The following NRXN1 variants were observed in gnomAD, a reference collection of about 807,000 sequenced individuals.
NRXN1 encodes neurexin 1, also known as neurexin-1.
Under a neutral mutation model 150.9 loss-of-function variants are expected in NRXN1, and 39 were observed. That is an observed-to-expected ratio of 0.26 (90% CI 0.20 to 0.34). The LOEUF (loss-of-function observed/expected upper bound fraction) is 0.34, where lower values mean the gene tolerates loss of function less well. Ranked by LOEUF, NRXN1 falls within the 10% of genes least tolerant of loss-of-function variation. The probability of loss-of-function intolerance (pLI) is 1.00; values close to 1 mark genes in which losing one functional copy is unlikely to be tolerated. For missense variants in NRXN1, 1,815 were observed against 1,949.9 expected, an observed-to-expected ratio of 0.93 and a Z score of 1.30; for synonymous variants, 924 against 757.0, an observed-to-expected ratio of 1.22 and a Z score of -3.62.
intron 15 of NRXN1, among the ~76,000 whole-genome samples, chr2:50,473,157 G>A (rs1186881480): frequency 1.3e-5 from 2 of 151,726 alleles, no homozygotes; most frequent in African/African-American, 4.8e-5. Context: ...GTACATAAGT[G>A]GATATTGCAT....
At chr2:50,997,700 G>A (rs971492123) in intron 2 of NRXN1, among the ~76,000 whole-genome samples, 1 of 140,206 alleles carries the variant, frequency 7.1e-6, no homozygotes. Context: ...ATCTGGAGAC[G>A]GTTTTTGCTA....
intron 17 of NRXN1, among the ~76,000 whole-genome samples, chr2:50,253,933 TG>T (rs1312667034): frequency 6.6e-6 from 1 of 152,024 alleles, no homozygotes; most frequent in Non-Finnish European, 1.5e-5. Context: ...CCCCATAAAA[TG>T]AGTTAGGGAG....
rs538483514 is a variant in NRXN1 at position 50,301,425 on chromosome 2, T to A, written c.3365-64455A>T. Among the ~76,000 whole-genome samples the A allele has an allele frequency of 1.7e-4, 26 of 152,348 alleles. No individual in the cohort carries two copies. In the South Asian group the frequency reaches 5.2e-3, roughly 30 times the overall value. ...AGAGTCCATATACTTGGTCATACCA[T>A]TTAGCACAACATCATACATTTAACA... On this transcript the variant is annotated intron_variant, in intron 17 of 22. Transcript: ENST00000401669.
intron 17 of NRXN1, among the ~76,000 whole-genome samples, chr2:50,393,246 C>A (rs140410654): frequency 6.6e-6 from 1 of 151,984 alleles, no homozygotes; most frequent in South Asian, 2.1e-4. Context: ...ACATCCAAAG[C>A]GCTAAACATT....
chr2:50,426,667 G>A (rs1383074373), intron 17 of NRXN1, among the ~76,000 whole-genome samples: 3 of 152,082 alleles, frequency 2.0e-5, no homozygotes, highest in Non-Finnish European at 4.4e-5. Flanking sequence ...CATTTTCCCT[G>A]AGGGATGCAG....
intron 5 of NRXN1, among the ~76,000 whole-genome samples, chr2:50,630,218 GA>G (rs895281665): frequency 6.6e-6 from 1 of 151,056 alleles, no homozygotes; most frequent in Non-Finnish European, 1.5e-5. Context: ...ACTTCTTATA[GA>G]AAAAAAAGTT....
chr2:50,948,880 C>T (rs1055690824), intron 2 of NRXN1, among the ~76,000 whole-genome samples: 1 of 151,986 alleles, frequency 6.6e-6, no homozygotes, highest in East Asian at 1.9e-4. Context: ...TGGAGACTTT[C>T]CAGAATACTG....
At chr2:50,505,774 G>A (rs1253468365) in intron 13 of NRXN1, among the ~76,000 whole-genome samples, 1 of 152,110 alleles carries the variant, frequency 6.6e-6, no homozygotes, top group Non-Finnish European at 1.5e-5. Context: ...ACTGTACAAG[G>A]ACCATTTTGT....
intron 5 of NRXN1, among the ~76,000 whole-genome samples, chr2:50,816,015 C>A (rs1419465009): frequency 6.6e-6 from 1 of 152,134 alleles, no homozygotes; most frequent in East Asian, 1.9e-4. Context: ...AACTCGTAAA[C>A]AAACATCCTA....
At chr2:50,336,557 T>G (rs945820676) in intron 17 of NRXN1, among the ~76,000 whole-genome samples, 2 of 152,228 alleles carry the variant, frequency 1.3e-5, no homozygotes, top group Admixed American at 6.5e-5. Context: ...TCCTTTCATC[T>G]CAGGAGAGTA....
At chr2:49,933,758 T>TTTC (rs1367634633) in intron 22 of NRXN1, among the ~76,000 whole-genome samples, 2 of 152,222 alleles carry the variant, frequency 1.3e-5, no homozygotes, top group African/African-American at 4.8e-5. Flanking sequence ...ATCTGATTGT[T>TTTC]TTCTCTACAT....
chr2:50,938,648 T>C (rs1307608453), intron 2 of NRXN1, among the ~76,000 whole-genome samples: 1 of 152,200 alleles, frequency 6.6e-6, no homozygotes, highest in Non-Finnish European at 1.5e-5. Context: ...ATAAAGAGTT[T>C]AAATTGACTC....
intron 5 of NRXN1, among the ~76,000 whole-genome samples, chr2:50,704,953 A>T (rs1325374538): frequency 6.6e-6 from 1 of 152,048 alleles, no homozygotes; most frequent in Admixed American, 6.6e-5. Context: ...TGATAAATAA[A>T]CTGATCTTTC....
At chr2:51,012,206 T>G (rs758908491) in intron 2 of NRXN1, among the ~76,000 whole-genome samples, 1 of 152,034 alleles carries the variant, frequency 6.6e-6, no homozygotes, top group Non-Finnish European at 1.5e-5. Context: ...AAACTCAGTA[T>G]TTATTAATCT....
At chr2:50,931,022 T>C (rs1687659428) in intron 2 of NRXN1, among the ~76,000 whole-genome samples, 1 of 152,136 alleles carries the variant, frequency 6.6e-6, no homozygotes, top group Non-Finnish European at 1.5e-5. Flanking sequence ...CCAACCCTTC[T>C]AGTGGTTATG....
At chr2:50,422,081 T>C (rs1360564002) in intron 17 of NRXN1, among the ~76,000 whole-genome samples, 1 of 152,176 alleles carries the variant, frequency 6.6e-6, no homozygotes, top group Non-Finnish European at 1.5e-5. Flanking sequence ...CTAGGATGTT[T>C]GACTTTAAAG....
intron 8 of NRXN1, among the ~76,000 whole-genome samples, chr2:50,576,493 C>T (rs1023039855): frequency 3.3e-5 from 5 of 151,548 alleles, no homozygotes; most frequent in East Asian, 1.9e-4. Flanking sequence ...CTCTTTTTTC[C>T]CCCTCATTTC....
intron 18 of NRXN1, among the ~76,000 whole-genome samples, chr2:50,201,497 G>C (rs989629552): frequency 6.6e-6 from 1 of 152,128 alleles, no homozygotes; most frequent in African/African-American, 2.4e-5. Context: ...CGTAACATGA[G>C]GGAAAGTAAT....
At chr2:50,623,741 C>A (rs1032613385) in intron 5 of NRXN1, 126 bp from the exon 6 acceptor site, 1 of 673,234 alleles carries the variant, frequency 1.5e-6, no homozygotes, top group Non-Finnish European at 2.5e-6. Flanking sequence ...ATGACATGAA[C>A]TCTGTCTCAG....
Sources: allele counts gnomAD v4.1 joint callset (sites outside exome capture counted in the v4.1 genomes callset), GRCh38; gene constraint gnomAD v4.1.1; transcripts MANE v1.5; gene names NCBI Gene and HGNC (gene_info 2026-07-23, HGNC 2026-07-21).